The following ZNF420 variants were observed in gnomAD, a reference collection of about 807,000 sequenced individuals.
ZNF420 encodes ATM and p53-associated KZNF protein.
ZNF420 carries 31 observed loss-of-function variants against 44.7 expected under a neutral mutation model. The observed-to-expected ratio is 0.69, with a 90% CI of 0.52 to 0.94. The LOEUF is 0.94. Ranked by LOEUF, ZNF420 falls within the 40% of genes least tolerant of loss-of-function variation. The pLI is 0.00. For synonymous variants in ZNF420, 245 were observed against 267.4 expected, an observed-to-expected ratio of 0.92 and a Z score of 0.82; for missense variants, 681 against 827.9, an observed-to-expected ratio of 0.82 and a Z score of 2.18.
Position 37,127,439 on chromosome 19 carries a change from C to A in ZNF420, c.448C>A (p.Arg150=), listed in dbSNP as rs769809866. 1 of 1,613,930 alleles carries A rather than the reference C, an allele frequency of 6.2e-7. No homozygotes were observed. The highest frequency in any genetic ancestry group is 1.3e-5 in the African/African-American group (1 of 74,906). Reference sequence around the variant, plus strand: ...TAAGGAATGTGGGAAAGCCTTCAGACGAGCCTCACACCTAACACAACATCA... The same window carrying A: ...TAAGGAATGTGGGAAAGCCTTCAGAAGAGCCTCACACCTAACACAACATCA... The part of the protein sequence containing the change: ...KCKECGKAFR[R]ASHLTQHQSI... Residue 150 remains arginine (R), a synonymous_variant, in exon 5 of 5, where the codon CGA becomes AGA. Transcript: ENST00000337995.
At chr19:37,016,241 T>C (rs537012107) in intron 1 of ZNF420, among the ~76,000 whole-genome samples, 2 of 152,322 alleles carry the variant, frequency 1.3e-5, no homozygotes, top group South Asian at 4.1e-4. Context: ...TCCTTTCTTA[T>C]TGTTGAGTGA....
chr19:37,044,504 C>G (rs1967511174), intron 1 of ZNF420, among the ~76,000 whole-genome samples: 1 of 152,190 alleles, frequency 6.6e-6, no homozygotes, highest in African/African-American at 2.4e-5. Flanking sequence ...ATGCCCTGAG[C>G]TTTTCTAGAG....
chr19:37,024,121 AC>A (rs936359591), intron 1 of ZNF420, among the ~76,000 whole-genome samples: 2 of 151,990 alleles, frequency 1.3e-5, no homozygotes, highest in Non-Finnish European at 2.9e-5. Context: ...GGTCTCCACA[AC>A]CCCTTTTATA....
At chr19:37,012,875 G>A in intron 1 of ZNF420, among the ~76,000 whole-genome samples, 1 of 146,792 alleles carries the variant, frequency 6.8e-6, no homozygotes, top group Non-Finnish European at 1.5e-5. Context: ...CTTTGTCTGT[G>A]CGCCCGTTTG....
intron 1 of ZNF420, among the ~76,000 whole-genome samples, chr19:37,054,741 C>G (rs1251006542): frequency 2.6e-5 from 4 of 152,212 alleles, no homozygotes; most frequent in Non-Finnish European, 4.4e-5. Flanking sequence ...GTCAACAGAC[C>G]TGTCTTGTCC....
chr19:37,128,383 A>C lies in ZNF420; in HGVS notation c.1392A>C (p.Gln464His). Residue 464 changes from glutamine to histidine, a missense_variant, in exon 5 of 5, where the codon CAA becomes CAC. Physicochemically the swap from Gln to His is conservative, Grantham distance 24. Coordinates refer to ENST00000337995, the MANE Select transcript of ZNF420 (RefSeq NM_144689.5). ...KTFSRGSELT[Q>H]HERIHTGEKP... ...TTAGTCGTGGCTCAGAACTTACTCA[A>C]CATGAGCGAATTCACACAGGTGAGA... The C allele has an allele frequency of 6.2e-7, 1 of 1,614,064 alleles. No individual in the cohort carries two copies. Among genetic ancestry groups the C allele is most frequent in the South Asian group, 1.1e-5 (1 of 91,082 alleles).
In ZNF420 at chr19:37,059,143, C is replaced by G. The variant is rs189578523; in HGVS notation, c.-124-21202C>G. Among the ~76,000 whole-genome samples, 37 of 152,332 alleles carry G rather than the reference C, an allele frequency of 2.4e-4. No individual in the cohort carries two copies. The East Asian group carries it at 4.6e-3, about 19-fold the overall frequency. Reference sequence around the variant, plus strand: ...AGGCGCCCTGAAGCTCCCCCTCCACCGGTGGAAGTCGACTCAAGGAGGCCC... The same window carrying G: ...AGGCGCCCTGAAGCTCCCCCTCCACGGGTGGAAGTCGACTCAAGGAGGCCC... On this transcript the variant is annotated intron_variant, in intron 1 of 4. Transcript: ENST00000587029.
chr19:37,033,432 G>A (rs755968250), intron 1 of ZNF420, among the ~76,000 whole-genome samples: 2 of 152,088 alleles, frequency 1.3e-5, no homozygotes, highest in Non-Finnish European at 2.9e-5. Flanking sequence ...TGACATGCTC[G>A]ATACCTCATA....
At chr19:37,123,599 CT>C (rs762782458) in intron 4 of ZNF420, among the ~76,000 whole-genome samples, 64 of 80,312 alleles carry the variant, frequency 8.0e-4, no homozygotes, top group East Asian at 4.6e-3. Flanking sequence ...TTACTCTTGT[CT>C]TTTTTTTTTT....
At chr19:37,116,562 T>C (rs1055809554) in intron 4 of ZNF420, among the ~76,000 whole-genome samples, 3 of 152,122 alleles carry the variant, frequency 2.0e-5, no homozygotes, top group Non-Finnish European at 4.4e-5. Flanking sequence ...CATTTCCATC[T>C]GAGGTACCGG....
chr19:37,027,032 A>C (rs1967172569), intron 1 of ZNF420, among the ~76,000 whole-genome samples: 1 of 152,256 alleles, frequency 6.6e-6, no homozygotes, highest in Non-Finnish European at 1.5e-5. Context: ...AATGTTTTTT[A>C]AAGTTTCACT....
intron 1 of ZNF420, among the ~76,000 whole-genome samples, chr19:37,072,914 TA>T (rs1375121191): frequency 6.6e-6 from 1 of 152,230 alleles, no homozygotes. Flanking sequence ...TATTTTGTTT[TA>T]AAACATGAAA....
Position 37,128,643 on chromosome 19 carries a change from G to A in ZNF420, c.1652G>A (p.Arg551Lys), listed in dbSNP as rs772103564. 1.9e-6 allele frequency: 3 copies of A among 1,613,980 alleles called. No individual in the cohort carries two copies. In the African/African-American group the frequency reaches 4.0e-5, roughly 22 times the overall value. Residue 551 changes from arginine to lysine, a missense_variant, in exon 5 of 5, where the codon AGA becomes AAA. Around this residue, in one of 3 missense-constraint regions of ZNF420, gnomAD observed 280 missense variants for 338.6 expected, o/e 0.83. Coordinates refer to ENST00000337995, the MANE Select transcript of ZNF420 (RefSeq NM_144689.5). ...GGCTTACTACTTATACAACATCAGA[G>A]AATTCATACTGGTGAGAAACCATAT... ...ARGLLLIQHQ[R>K]IHTGEKPYQC...
upstream of ZNF420, among the ~76,000 whole-genome samples, chr19:37,075,667 G>A (rs555184314): frequency 5.3e-5 from 8 of 152,182 alleles, no homozygotes; most frequent in South Asian, 2.1e-4. Context: ...ACTTGAACCC[G>A]GGAAGCGGAG....
intron 4 of ZNF420, among the ~76,000 whole-genome samples, chr19:37,121,366 C>A (rs569724136): frequency 1.5e-3 from 201 of 135,298 alleles, no homozygotes; most frequent in Middle Eastern, 7.5e-3. Flanking sequence ...CAAAAACAAG[C>A]AATGGGGAAA....
At chr19:37,126,826 A>C (rs903476118) in intron 4 of ZNF420, among the ~76,000 whole-genome samples, 1 of 152,166 alleles carries the variant, frequency 6.6e-6, no homozygotes, top group Non-Finnish European at 1.5e-5. Flanking sequence ...AATTCTAGAT[A>C]GGAACATTAC....
intron 1 of ZNF420, among the ~76,000 whole-genome samples, chr19:37,013,515 G>A (rs1054593347): frequency 2.0e-5 from 3 of 152,060 alleles, no homozygotes; most frequent in Non-Finnish European, 4.4e-5. Context: ...CACCGACCAG[G>A]ATGAAAAAAC....
chr19:37,041,090 G>A (rs758861442), intron 1 of ZNF420, among the ~76,000 whole-genome samples: 29 of 151,914 alleles, frequency 1.9e-4, no homozygotes, highest in African/African-American at 5.8e-4. Flanking sequence ...TTGGGAGGCC[G>A]AGGTGGGAGG....
chr19:37,057,435 CTGTG>C (rs1236163793), intron 1 of ZNF420, among the ~76,000 whole-genome samples: 1 of 38,970 alleles, frequency 2.6e-5, no homozygotes. Context: ...TGCTGTATGT[CTGTG>C]TGTGTGTCTC....
Sources: gnomAD v4.1 joint callset for allele counts (sites outside exome capture counted in the v4.1 genomes callset) on GRCh38, gnomAD v4.1.1 for gene constraint, gnomAD v4.1.1 regional missense constraint, MANE v1.5 for transcripts, NCBI Gene and HGNC (gene_info 2026-07-23, HGNC 2026-07-21) for gene names.